Variants in PCDHA5 observed in about 807,000 individuals in gnomAD.
PCDHA5 encodes the protein protocadherin alpha 5, also known as protocadherin alpha-5.
PCDHA5 carries 43 observed loss-of-function variants against 61.6 expected under a neutral mutation model. The ratio of observed to expected loss-of-function variants is 0.70; its 90% CI spans 0.55 to 0.90. The LOEUF (loss-of-function observed/expected upper bound fraction) is 0.90, where lower values mean the gene tolerates loss of function less well. Ranked by LOEUF, PCDHA5 falls within the 40% of genes least tolerant of loss-of-function variation. The pLI is 0.00. For synonymous variants in PCDHA5, 627 were observed against 543.9 expected (o/e 1.15, Z -2.13); for missense variants, 1,298 against 1,222.7 (o/e 1.06, Z -0.92).
intron 1 of PCDHA5, chr5:140,850,119 G>A: frequency 1.3e-6 from 2 of 1,596,076 alleles, no homozygotes; most frequent in East Asian, 2.2e-5. Flanking sequence ...CGACGCGGGC[G>A]TGCCGCCTCT....
chr5:141,002,019 T>G (rs1420727822), intron 3 of PCDHA5, among the ~76,000 whole-genome samples: 4 of 152,176 alleles, frequency 2.6e-5, no homozygotes, highest in Admixed American at 6.5e-5. Flanking sequence ...CTGCACAGCC[T>G]TCGGTGCCCT....
At chr5:140,836,622 A>G in intron 1 of PCDHA5, 1 of 1,613,448 alleles carries the variant, frequency 6.2e-7, no homozygotes, top group Non-Finnish European at 8.5e-7. Flanking sequence ...CGCGGTGGGG[A>G]GCTGGTCATT....
chr5:140,868,562 A>C (rs2153231296), intron 1 of PCDHA5: 1 of 152,960 alleles, frequency 6.5e-6, no homozygotes, highest in South Asian at 2.1e-4. Flanking sequence ...TTTTTATATG[A>C]GGAACAACAC....
In PCDHA5 at chr5:140,822,649, T is replaced by C. The variant is rs2150118201; in HGVS notation, c.874T>C (p.Phe292Leu). 1.9e-6 allele frequency: 3 copies of C among 1,609,918 alleles called. No homozygotes were observed. In the South Asian group the frequency reaches 3.3e-5, roughly 18 times the overall value. ...NLVLDDVKSK[F>L]IINSNTGEIK... ...TGTTCTTGACGATGTAAAGTCCAAATTTATAATTAATTCTAATACTGGTGA... is the reference window on the plus strand; with the variant it reads ...TGTTCTTGACGATGTAAAGTCCAAACTTATAATTAATTCTAATACTGGTGA... The change falls in exon 1 of 4, where the codon TTT becomes CTT. Residue 292 changes from phenylalanine to leucine, a missense_variant. Transcript: ENST00000529859.
Position 140,822,871 on chromosome 5 carries a change from A to C in PCDHA5, c.1096A>C (p.Thr366Pro). 1 of 1,614,204 alleles carries C rather than the reference A, an allele frequency of 6.2e-7. No individual in the cohort carries two copies. The change falls in exon 1 of 4, where the codon ACG becomes CCG. Residue 366 changes from threonine to proline, a missense_variant. Coordinates refer to ENST00000529859, the MANE Select transcript of PCDHA5 (RefSeq NM_018908.3). ...TGTCAAAGAGGACGCTCCACTCAGC[A>C]CGGTCATTGCTCTGATCAGCGTGTC... is the stretch of plus-strand genomic sequence containing the variant. ...LPVKEDAPLS[T>P]VIALISVSDR...
At chr5:140,993,460 T>A (rs1416332490) in intron 3 of PCDHA5, among the ~76,000 whole-genome samples, 1 of 104,506 alleles carries the variant, frequency 9.6e-6, no homozygotes, top group Non-Finnish European at 1.9e-5. Context: ...CTTCTTTCTT[T>A]CTCACACACA....
At chr5:140,929,093 A>G in intron 1 of PCDHA5, 1 of 1,614,194 alleles carries the variant, frequency 6.2e-7, no homozygotes, top group Non-Finnish European at 8.5e-7. Flanking sequence ...ATGGTTTCAA[A>G]TCCTTGCATG....
In PCDHA5 at chr5:140,870,604, C is replaced by A. The variant is rs376574285; in HGVS notation, c.2352+46477C>A. 10 of 1,613,134 alleles carry A rather than the reference C, an allele frequency of 6.2e-6. No homozygotes were observed. The African/African-American group carries it at 6.7e-5, about 11-fold the overall frequency. Reference sequence around the variant, plus strand: ...GCTGGTGGAGCGGCGGTTGGGCGACCGCGCGCTGTCGAGCTACGTGTCGGT... The same window carrying A: ...GCTGGTGGAGCGGCGGTTGGGCGACAGCGCGCTGTCGAGCTACGTGTCGGT... On this transcript the variant is annotated intron_variant, in intron 1 of 3. Coordinates refer to ENST00000529859, the MANE Select transcript of PCDHA5 (RefSeq NM_018908.3).
chr5:140,869,570 G>A, intron 1 of PCDHA5: 1 of 1,614,148 alleles, frequency 6.2e-7, no homozygotes. Flanking sequence ...CCACTAGAGG[G>A]AGCTTCTGAT....
At position 140,823,400 on chromosome 5, in the gene PCDHA5, C is replaced by A. The variant is rs2150125536; in HGVS notation, c.1625C>A (p.Pro542Gln). 1.2e-5 allele frequency: 20 copies of A among 1,612,960 alleles called. No homozygotes were observed. The highest frequency in any genetic ancestry group is 1.4e-5 in the Non-Finnish European group (17 of 1,179,814). ...GTGAGCGCGCGCGACGCGGGCGTGC[C>A]GCCTCTGGGCAGCAACGTGACGCTG... The part of the protein sequence containing the change: ...FQVSARDAGV[P>Q]PLGSNVTLQV... The change falls in exon 1 of 4, where the codon CCG (proline) becomes CAG (glutamine). Residue 542 changes from proline to glutamine, a missense_variant. By Grantham distance (76) the Pro-to-Gln change is moderately conservative. Coordinates refer to ENST00000529859, the MANE Select transcript of PCDHA5 (RefSeq NM_018908.3).
chr5:140,884,554 G>A (rs1554181727), intron 1 of PCDHA5: 10 of 1,614,160 alleles, frequency 6.2e-6, no homozygotes, highest in Non-Finnish European at 6.8e-6. Context: ...GCTCTGGGGA[G>A]GGCCCGCATA....
At chr5:140,849,603 G>T in intron 1 of PCDHA5, 1 of 1,598,696 alleles carries the variant, frequency 6.3e-7, no homozygotes, top group Non-Finnish European at 8.6e-7. Context: ...GACAGTTATT[G>T]CCCTGATTAG....
intron 1 of PCDHA5, among the ~76,000 whole-genome samples, chr5:140,873,882 A>G (rs1311106784): frequency 6.6e-6 from 1 of 152,152 alleles, no homozygotes; most frequent in Non-Finnish European, 1.5e-5. Context: ...GCTGGTCTTG[A>G]ACTCCTGACC....
intron 3 of PCDHA5, among the ~76,000 whole-genome samples, chr5:140,998,883 GAATA>G (rs782239555): frequency 6.6e-5 from 10 of 152,274 alleles, no homozygotes; most frequent in East Asian, 1.9e-4. Flanking sequence ...AAGTTTAGTT[GAATA>G]AATAACAATG....
At chr5:140,923,112 T>C (rs1159250649) in intron 1 of PCDHA5, among the ~76,000 whole-genome samples, 2 of 152,144 alleles carry the variant, frequency 1.3e-5, no homozygotes, top group Non-Finnish European at 2.9e-5. Flanking sequence ...TGATTTTAAG[T>C]TTTTAGGGTC....
chr5:140,967,228 G>A (rs1316363900), intron 1 of PCDHA5: 3 of 1,613,652 alleles, frequency 1.9e-6, no homozygotes, highest in Non-Finnish European at 2.5e-6. Flanking sequence ...CCAACTACCA[G>A]CTTCAGGTAA....
chr5:140,873,149 T>C (rs2054128037), intron 1 of PCDHA5, among the ~76,000 whole-genome samples: 1 of 152,218 alleles, frequency 6.6e-6, no homozygotes, highest in Non-Finnish European at 1.5e-5. Flanking sequence ...AGCCTATTCA[T>C]AGACTTTAGA....
At chr5:140,884,104 G>A in intron 1 of PCDHA5, 3 of 1,613,464 alleles carry the variant, frequency 1.9e-6, no homozygotes, top group African/African-American at 1.3e-5. Flanking sequence ...ATGAATTGCA[G>A]CTGGCGGCGG....
At chr5:141,003,245 A>T (rs1554258962) in intron 3 of PCDHA5, among the ~76,000 whole-genome samples, 1 of 152,216 alleles carries the variant, frequency 6.6e-6, no homozygotes, top group African/African-American at 2.4e-5. Context: ...TTTGCCAAAA[A>T]GATTCCTGGG....
Sources: gnomAD v4.1 joint callset for allele counts (sites outside exome capture counted in the v4.1 genomes callset) on GRCh38, gnomAD v4.1.1 for gene constraint, MANE v1.5 for transcripts, NCBI Gene and HGNC (gene_info 2026-07-23, HGNC 2026-07-21) for gene names.